The following UGT1A5 variants were observed in gnomAD, a reference collection of about 807,000 sequenced individuals.
The protein encoded by UGT1A5 is UDP-glucuronosyltransferase 1A5.
UGT1A5 carries 29 observed loss-of-function variants against 40.3 expected under a neutral mutation model. That is an observed-to-expected ratio of 0.72 (90% CI 0.54 to 0.98). The LOEUF (loss-of-function observed/expected upper bound fraction) is 0.98, where lower values mean the gene tolerates loss of function less well. Ranked by LOEUF, UGT1A5 falls within the 50% of genes least tolerant of loss-of-function variation. UGT1A5 has a pLI of 0.00. For missense variants in UGT1A5, 678 were observed against 677.9 expected, an observed-to-expected ratio of 1.00 and a Z score of 0.00; for synonymous variants, 257 against 262.5, an observed-to-expected ratio of 0.98 and a Z score of 0.20.
intron 1 of UGT1A5, among the ~76,000 whole-genome samples, chr2:233,751,217 A>G (rs1417978582): frequency 6.6e-6 from 1 of 151,982 alleles, no homozygotes; most frequent in East Asian, 1.9e-4. Context: ...TTTAAGATTT[A>G]ATGACTGCCC....
chr2:233,730,403 A>G (rs1043084681), intron 1 of UGT1A5, among the ~76,000 whole-genome samples: 1 of 152,216 alleles, frequency 6.6e-6, no homozygotes, highest in Non-Finnish European at 1.5e-5. Context: ...GTAAATTACA[A>G]TTGTTGACAT....
chr2:233,769,637 G>A lies in UGT1A5; in HGVS notation c.1307+1198G>A. The A allele has an allele frequency of 6.2e-7, 1 of 1,610,100 alleles. No individual in the cohort carries two copies. Among genetic ancestry groups the A allele is most frequent in the Non-Finnish European group, 8.5e-7 (1 of 1,178,598 alleles). On this transcript the variant is annotated intron_variant, in intron 4 of 4. Transcript: ENST00000373414. This position sits in a 1 kb window ranked among gnomAD's most constrained non-coding sequence, Gnocchi z 4.4. ...GCTTGAGCAAGGGACAACAGGGGAG[G>A]ACTGATGACTGACTTCCCACCTTTG... is the stretch of plus-strand genomic sequence containing the variant.
At chr2:233,746,133 C>A (rs1693313600) in intron 1 of UGT1A5, among the ~76,000 whole-genome samples, 1 of 151,790 alleles carries the variant, frequency 6.6e-6, no homozygotes, top group African/African-American at 2.4e-5. Context: ...TGTGGACTGG[C>A]ACCTGAGTGA....
chr2:233,771,824 C>T (rs981905786), intron 4 of UGT1A5, among the ~76,000 whole-genome samples: 9 of 144,512 alleles, frequency 6.2e-5, no homozygotes, highest in Non-Finnish European at 1.4e-4. Context: ...TCCTTGCTTC[C>T]TTCCCTCCTT....
intron 1 of UGT1A5, chr2:233,754,898 C>G: frequency 1.5e-6 from 2 of 1,351,858 alleles, no homozygotes; most frequent in Non-Finnish European, 2.0e-6. Context: ...TCCTCTGACC[C>G]CCCAAAATAT....
chr2:233,747,327 C>T (rs1052520696), intron 1 of UGT1A5: 43 of 1,603,124 alleles, frequency 2.7e-5, no homozygotes, highest in Non-Finnish European at 3.7e-5. Flanking sequence ...CCATTGATGG[C>T]AGCCACTGGC....
intron 1 of UGT1A5, among the ~76,000 whole-genome samples, chr2:233,716,476 C>T: frequency 6.6e-6 from 1 of 152,028 alleles, no homozygotes; most frequent in Non-Finnish European, 1.5e-5. Flanking sequence ...TGTTTCTGTC[C>T]TCCGTAGTCT....
intron 1 of UGT1A5, chr2:233,760,398 C>T (rs1018382617): frequency 6.2e-7 from 1 of 1,614,186 alleles, no homozygotes; most frequent in Non-Finnish European, 8.5e-7. Flanking sequence ...CAGTGGATGG[C>T]AGCCACTGGC....
chr2:233,765,615 G>A (rs958268372), intron 1 of UGT1A5, among the ~76,000 whole-genome samples: 44 of 151,894 alleles, frequency 2.9e-4, no homozygotes, highest in African/African-American at 1.0e-3. Flanking sequence ...GCGGGGTGAG[G>A]GGTGAGGGGA....
intron 1 of UGT1A5, among the ~76,000 whole-genome samples, chr2:233,714,561 T>C (rs938203514): frequency 6.6e-6 from 1 of 152,256 alleles, no homozygotes; most frequent in African/African-American, 2.4e-5. Flanking sequence ...AGAAATATCA[T>C]GTAAACCACA....
intron 1 of UGT1A5, chr2:233,760,107 A>T: frequency 8.4e-7 from 1 of 1,186,456 alleles, no homozygotes; most frequent in South Asian, 1.6e-5. Flanking sequence ...GCCTATTAAG[A>T]AACCTAATAA....
intron 1 of UGT1A5, among the ~76,000 whole-genome samples, chr2:233,730,803 T>C (rs2078076377): frequency 6.6e-6 from 1 of 152,164 alleles, no homozygotes; most frequent in South Asian, 2.1e-4. Context: ...TGAATGGACA[T>C]GCGTCCAAGA....
At chr2:233,754,553 C>G (rs139007444) in intron 1 of UGT1A5, 1 of 387,854 alleles carries the variant, frequency 2.6e-6, no homozygotes, top group Non-Finnish European at 5.1e-6. Context: ...TACTTGGTGT[C>G]AATGGGGAGC....
chr2:233,733,810 C>G (rs1191678424), intron 1 of UGT1A5, among the ~76,000 whole-genome samples: 1 of 152,078 alleles, frequency 6.6e-6, no homozygotes, highest in Non-Finnish European at 1.5e-5. Flanking sequence ...CAGGATGATG[C>G]TGGCCTCATA....
At chr2:233,766,269 TCGG>T (rs1349388778) in intron 1 of UGT1A5, among the ~76,000 whole-genome samples, 29 of 67,888 alleles carry the variant, frequency 4.3e-4, no homozygotes, top group Admixed American at 8.2e-4. Context: ...TGGCCCGGGC[TCGG>T]TGGCCCGGGC....
At chr2:233,745,112 G>C (rs1457181143) in intron 1 of UGT1A5, among the ~76,000 whole-genome samples, 1 of 151,730 alleles carries the variant, frequency 6.6e-6, no homozygotes, top group Non-Finnish European at 1.5e-5. Flanking sequence ...TTAATCTGCT[G>C]TTGGCTGAAT....
chr2:233,748,097 C>T (rs1693865364), intron 1 of UGT1A5: 9 of 1,612,658 alleles, frequency 5.6e-6, no homozygotes, highest in Admixed American at 1.7e-5. Flanking sequence ...TTCGTGCCTT[C>T]ATCCAATCAA....
Position 233,747,991 on chromosome 2 carries a change from A to C in UGT1A5, c.868-19043A>C, listed in dbSNP as rs532442400. On this transcript the variant is annotated intron_variant, in intron 1 of 4. Transcript: ENST00000373414. The stretch of plus-strand genomic sequence containing the variant: ...GCATCTGTGTGGCTGTTCCGAGGGG[A>C]CTTTGTGATGGATTACCCCAGGCCG... 1.5e-4 allele frequency: 241 copies of C among 1,612,988 alleles called. 4 individuals are homozygous for C. In the African/African-American group the frequency reaches 3.1e-3, roughly 21 times the overall value.
At chr2:233,747,969 T>G in intron 1 of UGT1A5, 1 of 1,613,504 alleles carries the variant, frequency 6.2e-7, no homozygotes. Flanking sequence ...CAGCCATGCA[T>G]CTGTGTGGCT....
Sources: allele counts gnomAD v4.1 joint callset (sites outside exome capture counted in the v4.1 genomes callset), GRCh38; gene constraint gnomAD v4.1.1; non-coding constraint Gnocchi (gnomAD v3.1); transcripts MANE v1.5; gene names NCBI Gene and HGNC (gene_info 2026-07-23, HGNC 2026-07-21).